RGS18: variants seen among roughly 807,000 people sequenced by gnomAD.
The protein encoded by RGS18 is regulator of G-protein signaling 18.
RGS18 carries 22 observed loss-of-function variants against 27.6 expected under a neutral mutation model. The observed-to-expected ratio is 0.80, with a 90% CI of 0.57 to 1.14. RGS18 has a LOEUF of 1.14. Among genes scored for constraint, RGS18 ranks in the 50% most tolerant of loss-of-function variants. The pLI is 0.00. For missense variants in RGS18, 299 were observed against 269.6 expected, an observed-to-expected ratio of 1.11 and a Z score of -0.76; for synonymous variants, 89 against 84.6, an observed-to-expected ratio of 1.05 and a Z score of -0.29.
intron 3 of RGS18, chr1:192,163,320 T>C (rs574892526): frequency 2.2e-4 from 33 of 152,226 alleles, no homozygotes; most frequent in Admixed American, 5.2e-4. Flanking sequence ...AGGGTGAAAA[T>C]TTCAATTGAC....
chr1:192,170,675 A>G (rs1656238559), intron 3 of RGS18, among the ~76,000 whole-genome samples: 1 of 152,108 alleles, frequency 6.6e-6, no homozygotes, highest in Non-Finnish European at 1.5e-5. Context: ...ATTAGAAAAA[A>G]AAAAAAGACA....
chr1:192,165,151 C>T (rs751826041), intron 3 of RGS18, among the ~76,000 whole-genome samples: 3 of 152,086 alleles, frequency 2.0e-5, no homozygotes, highest in African/African-American at 4.8e-5. Context: ...CTAAAATGGC[C>T]GCTCTGGGAG....
rs909246708 is a variant in RGS18 at position 192,185,247 on chromosome 1, T to C, written c.*693T>C. 5 of 151,682 alleles carry C rather than the reference T, an allele frequency of 3.3e-5. No homozygotes were observed. The highest frequency in any genetic ancestry group is 1.2e-4 in the African/African-American group (5 of 41,360). 9.4% of individuals were successfully genotyped at this position (151,682 alleles called of 1,614,324 possible). On this transcript the variant is annotated 3_prime_UTR_variant, in exon 5 of 5. Coordinates refer to ENST00000367460, the MANE Select transcript of RGS18 (RefSeq NM_130782.3). ...AAGTGAACATGGACGTACCCAGTTA[T>C]ACAAAGTACTTCTGTTGGTCACAGA...
chr1:192,178,726 T>G (rs1656399598), intron 3 of RGS18, among the ~76,000 whole-genome samples: 1 of 151,616 alleles, frequency 6.6e-6, no homozygotes, highest in African/African-American at 2.4e-5. Flanking sequence ...TGTAGAAAAC[T>G]TAATCAAAGA....
At chr1:192,183,872 A>G (rs1656496812) in intron 4 of RGS18, among the ~76,000 whole-genome samples, 2 of 151,794 alleles carry the variant, frequency 1.3e-5, no homozygotes, top group South Asian at 2.1e-4. Flanking sequence ...CAGGAAGCCT[A>G]ATAGCATCTG....
At chr1:192,167,040 C>T (rs1281281271) in intron 3 of RGS18, among the ~76,000 whole-genome samples, 1 of 152,162 alleles carries the variant, frequency 6.6e-6, no homozygotes, top group Non-Finnish European at 1.5e-5. Context: ...CTAAAAACTA[C>T]AATAGTCTTA....
chr1:192,179,831 G>A (rs1336278649), intron 3 of RGS18, among the ~76,000 whole-genome samples: 2 of 151,496 alleles, frequency 1.3e-5, no homozygotes, highest in African/African-American at 4.8e-5. Flanking sequence ...TGTAAATGTG[G>A]CTGTAAAAGG....
intron 3 of RGS18, among the ~76,000 whole-genome samples, chr1:192,164,677 T>C (rs1656133199): frequency 6.6e-6 from 1 of 152,124 alleles, no homozygotes; most frequent in South Asian, 2.1e-4. Context: ...TACCTTCTTG[T>C]TGTGGGAAGT....
In RGS18 at chr1:192,169,593, G is replaced by T. The variant is rs574467589; in HGVS notation, c.283+9154G>T. On this transcript the variant is annotated intron_variant, in intron 3 of 4. Transcript: ENST00000367460. ...ACAAACAGATCAATAACACCCAATG[G>T]TATGCTTTTTAATATCAGCAGAAGG... 3 of 152,192 alleles carry T rather than the reference G, an allele frequency of 2.0e-5. No homozygotes were observed. The East Asian group carries it at 5.8e-4, about 29-fold the overall frequency. 9.4% of individuals were successfully genotyped at this position (152,192 alleles called of 1,614,324 possible).
At chr1:192,167,413 C>T (rs1656180582) in intron 3 of RGS18, among the ~76,000 whole-genome samples, 1 of 151,786 alleles carries the variant, frequency 6.6e-6, no homozygotes, top group African/African-American at 2.4e-5. Context: ...CCATAACAAG[C>T]ACAAGCACTC....
intron 3 of RGS18, among the ~76,000 whole-genome samples, chr1:192,164,525 A>G (rs1656130057): frequency 6.6e-6 from 1 of 152,148 alleles, no homozygotes; most frequent in Admixed American, 6.6e-5. Flanking sequence ...AAATGAGTAA[A>G]TATAAACTTC....
rs1656534699 is a variant in RGS18 at position 192,185,588 on chromosome 1, G to T, written c.*1034G>T. On this transcript the variant is annotated 3_prime_UTR_variant, in exon 5 of 5. Coordinates refer to ENST00000367460, the MANE Select transcript of RGS18 (RefSeq NM_130782.3). ...CCTTAAGTAATTATTATTCAAATAA[G>T]ATTATACTCATACATCTATATGTCA... 6.6e-6 allele frequency: 1 copy of T among 151,652 alleles called. No individual in the cohort carries two copies. The highest frequency in any genetic ancestry group is 2.0e-4 in the East Asian group (1 of 5,124). 9.4% of individuals were successfully genotyped at this position (151,652 alleles called of 1,614,324 possible).
intron 3 of RGS18, among the ~76,000 whole-genome samples, chr1:192,161,664 C>A (rs1656075732): frequency 6.6e-6 from 1 of 152,066 alleles, no homozygotes; most frequent in African/African-American, 2.4e-5. Flanking sequence ...TCTTCCCAGA[C>A]CCTTCCAAGA....
intron 2 of RGS18, 78 bp from the exon 3 acceptor site, chr1:192,160,300 A>C: frequency 1.3e-6 from 1 of 761,034 alleles, no homozygotes; most frequent in Non-Finnish European, 2.2e-6. Context: ...AAAGAGCAGT[A>C]AAATAGCATA....
chr1:192,177,765 C>T (rs1656381948), intron 3 of RGS18, among the ~76,000 whole-genome samples: 2 of 151,670 alleles, frequency 1.3e-5, no homozygotes. Flanking sequence ...TCAACAGGAG[C>T]TAAAACTAAG....
chr1:192,183,143 A>G (rs1656483770), intron 4 of RGS18, among the ~76,000 whole-genome samples: 1 of 151,538 alleles, frequency 6.6e-6, no homozygotes, highest in African/African-American at 2.4e-5. Context: ...CCCAAAACCA[A>G]CGTTTTACAT....
rs1656510968 is a variant in RGS18, at chr1:192,184,484, G to A, written c.638G>A (p.Arg213Lys). 2.5e-6 allele frequency: 4 copies of A among 1,611,384 alleles called. No individual in the cohort carries two copies. In the Admixed American group the frequency reaches 5.0e-5, roughly 20 times the overall value. ...AGACCTCAGAGACCAACAAATCTTA[G>A]GAGACGATCACGCTCATTTACCTGC... ...EGRPQRPTNL[R>K]RRSRSFTCNE... Residue 213 changes from arginine to lysine, a missense_variant, in exon 5 of 5, where the codon AGG becomes AAG. By Grantham distance (26) the Arg-to-Lys change is conservative. Coordinates refer to ENST00000367460, the MANE Select transcript of RGS18 (RefSeq NM_130782.3).
intron 3 of RGS18, among the ~76,000 whole-genome samples, chr1:192,171,524 T>C (rs541805710): frequency 2.0e-5 from 3 of 152,206 alleles, no homozygotes; most frequent in South Asian, 2.1e-4. Context: ...TTGCTCATGG[T>C]AAATTTACTG....
chr1:192,185,427 G>A lies in RGS18; in HGVS notation c.*873G>A, dbSNP rs1327861267. 6.6e-6 allele frequency: 1 copy of A among 151,580 alleles called. No individual in the cohort carries two copies. Among genetic ancestry groups the A allele is most frequent in the African/African-American group, 2.4e-5 (1 of 41,354 alleles). 9.4% of individuals were successfully genotyped at this position (151,580 alleles called of 1,614,324 possible). A position where few individuals can be genotyped will look rare whatever the true frequency, so the allele number is the denominator to read the frequency against. ...AGGACGTCTCATGTTTGGCCCTTTA[G>A]AATTGGGGTAGAAATCAGAAATGAG... is the stretch of plus-strand genomic sequence containing the variant. On this transcript the variant is annotated 3_prime_UTR_variant, in exon 5 of 5. Transcript: ENST00000367460.
Sources: gnomAD v4.1 joint callset for allele counts (sites outside exome capture counted in the v4.1 genomes callset) on GRCh38, gnomAD v4.1.1 for gene constraint, MANE v1.5 for transcripts, NCBI Gene and HGNC (gene_info 2026-07-23, HGNC 2026-07-21) for gene names.